The following ZNF536 variants were observed in gnomAD, a reference collection of about 807,000 sequenced individuals.
The protein encoded by ZNF536 is zinc finger protein 536.
A neutral mutation model predicts 84.5 loss-of-function variants in ZNF536; 13 were observed. That is an observed-to-expected ratio of 0.15 (90% CI 0.10 to 0.24). The LOEUF (loss-of-function observed/expected upper bound fraction) is 0.24, where lower values mean the gene tolerates loss of function less well. Ranked by LOEUF, ZNF536 falls within the 10% of genes least tolerant of loss-of-function variation. The pLI is 1.00. For missense variants in ZNF536, 1,536 were observed against 1,747.5 expected (o/e 0.88, Z 2.16); for synonymous variants, 811 against 742.5 (o/e 1.09, Z -1.50).
At chr19:30,610,404 T>C (rs576817180) in intron 1 of ZNF536, among the ~76,000 whole-genome samples, 1 of 152,188 alleles carries the variant, frequency 6.6e-6, no homozygotes, top group African/African-American at 2.4e-5. Context: ...TTACTTCAGA[T>C]CCCCCTTGGT....
At chr19:30,328,794 C>T (rs771008207) in intron 2 of ZNF536, among the ~76,000 whole-genome samples, 4 of 152,198 alleles carry the variant, frequency 2.6e-5, no homozygotes, top group African/African-American at 7.2e-5. Context: ...TTGAAGCTGG[C>T]GTTGCCAGGG....
At chr19:30,315,842 T>A (rs2146170384) in intron 2 of ZNF536, among the ~76,000 whole-genome samples, 1 of 152,302 alleles carries the variant, frequency 6.6e-6, no homozygotes, top group South Asian at 2.1e-4. Context: ...GTATTTTACA[T>A]AAAATTGACA....
intron 1 of ZNF536, among the ~76,000 whole-genome samples, chr19:30,694,754 T>C (rs2051581459): frequency 6.6e-6 from 1 of 152,170 alleles, no homozygotes; most frequent in Non-Finnish European, 1.5e-5. Flanking sequence ...GTGAATGCAT[T>C]TATGTCTACA....
intron 1 of ZNF536, among the ~76,000 whole-genome samples, chr19:30,433,504 T>A (rs2051573894): frequency 6.6e-6 from 1 of 152,154 alleles, no homozygotes; most frequent in Non-Finnish European, 1.5e-5. Context: ...TTTGTTTGTT[T>A]GTTTGATTTT....
intron 4 of ZNF536, chr19:30,555,596 G>A (rs2045936183): frequency 1.3e-5 from 2 of 152,204 alleles, no homozygotes; most frequent in Non-Finnish European, 2.9e-5. Flanking sequence ...GGTAGGAAAT[G>A]AGTCCTGCCC....
At chr19:30,304,711 T>G (rs1337687147) in intron 2 of ZNF536, among the ~76,000 whole-genome samples, 1 of 152,032 alleles carries the variant, frequency 6.6e-6, no homozygotes, top group Non-Finnish European at 1.5e-5. Flanking sequence ...AGGAAAGCGG[T>G]GAGGGGAGAG....
intron 1 of ZNF536, among the ~76,000 whole-genome samples, chr19:30,276,598 A>G (rs2026146674): frequency 6.6e-6 from 1 of 152,208 alleles, no homozygotes; most frequent in Non-Finnish European, 1.5e-5. Context: ...CATCGCCATA[A>G]TAGTTGCCCG....
Position 30,289,544 on chromosome 19 carries a change from C to G in ZNF536, c.-120+5403C>G, listed in dbSNP as rs531513221. 2.7e-3 allele frequency among the ~76,000 whole-genome samples: 405 copies of G among 152,352 alleles called. 2 individuals are homozygous for G. The highest frequency in any genetic ancestry group is 4.1e-3 in the Non-Finnish European group (282 of 68,026). On this transcript the variant is annotated intron_variant, in intron 2 of 5. Transcript: ENST00000585628. ...GCACATGTGCACAGGCCGACTTCCCCTGGATGGCCACACATGGGATGCAAG... is the reference window on the plus strand; with the variant it reads ...GCACATGTGCACAGGCCGACTTCCCGTGGATGGCCACACATGGGATGCAAG...
At chr19:30,297,904 C>CCA (rs2046054409) in intron 2 of ZNF536, among the ~76,000 whole-genome samples, 7 of 79,278 alleles carry the variant, frequency 8.8e-5, no homozygotes, top group African/African-American at 4.6e-4. Flanking sequence ...AAGACGGAGT[C>CCA]CCCCCCCCCT....
chr19:30,480,997 C>T (rs2054060013), intron 2 of ZNF536, among the ~76,000 whole-genome samples: 1 of 149,702 alleles, frequency 6.7e-6, no homozygotes, highest in African/African-American at 2.5e-5. Context: ...TCACTGGACT[C>T]CAGCCTGGGC....
At chr19:30,339,958 C>T (rs2047512347) in intron 2 of ZNF536, among the ~76,000 whole-genome samples, 1 of 152,088 alleles carries the variant, frequency 6.6e-6, no homozygotes, top group Non-Finnish European at 1.5e-5. Flanking sequence ...CTGGGTGGAC[C>T]CTCCTCAAGG....
intron 2 of ZNF536, among the ~76,000 whole-genome samples, chr19:30,309,583 C>A (rs1470968071): frequency 6.6e-6 from 1 of 152,166 alleles, no homozygotes; most frequent in Non-Finnish European, 1.5e-5. Context: ...TAGTGTTTTA[C>A]CATTTGATTA....
At chr19:30,703,554 C>G (rs969274957) in intron 1 of ZNF536, among the ~76,000 whole-genome samples, 2 of 152,198 alleles carry the variant, frequency 1.3e-5, no homozygotes, top group African/African-American at 4.8e-5. Flanking sequence ...TCCGGTTTCC[C>G]AGATCCCCCA....
chr19:30,431,403 C>T (rs748510738), intron 1 of ZNF536, among the ~76,000 whole-genome samples: 1 of 152,172 alleles, frequency 6.6e-6, no homozygotes, highest in Non-Finnish European at 1.5e-5. Flanking sequence ...AGCAGGGGAC[C>T]CGATGGAGTG....
intron 1 of ZNF536, among the ~76,000 whole-genome samples, chr19:30,579,303 TTA>T (rs564980611): frequency 6.6e-6 from 1 of 152,262 alleles, no homozygotes; most frequent in South Asian, 2.1e-4. Context: ...CAACAGCAAT[TTA>T]TGTTTTCTCA....
intron 2 of ZNF536, among the ~76,000 whole-genome samples, chr19:30,311,457 G>A (rs1298837756): frequency 1.3e-5 from 2 of 152,194 alleles, no homozygotes; most frequent in African/African-American, 4.8e-5. Flanking sequence ...ACTTTGTGGG[G>A]CCTGCACTGC....
intron 3 of ZNF536, among the ~76,000 whole-genome samples, chr19:30,366,602 ATC>A (rs1330102933): frequency 6.6e-5 from 10 of 151,154 alleles, no homozygotes; most frequent in Non-Finnish European, 1.2e-4. Flanking sequence ...CTATCTATCT[ATC>A]TATCTATCTA....
intron 2 of ZNF536, among the ~76,000 whole-genome samples, chr19:30,346,477 C>T (rs1239595906): frequency 6.6e-6 from 1 of 152,108 alleles, no homozygotes; most frequent in Non-Finnish European, 1.5e-5. Context: ...TTTTCCTGAT[C>T]CTCTCCCTCC....
At chr19:30,513,095 G>A (rs2055485381) in intron 2 of ZNF536, among the ~76,000 whole-genome samples, 2 of 151,904 alleles carry the variant, frequency 1.3e-5, no homozygotes, top group South Asian at 4.2e-4. Context: ...CAGTTCACAA[G>A]ACACGTGACA....
Sources: gnomAD v4.1 joint callset for allele counts (sites outside exome capture counted in the v4.1 genomes callset) on GRCh38, gnomAD v4.1.1 for gene constraint, MANE v1.5 for transcripts, NCBI Gene and HGNC (gene_info 2026-07-23, HGNC 2026-07-21) for gene names.